The following CAST variants were observed in gnomAD, a reference collection of about 807,000 sequenced individuals.
CAST encodes the protein calpastatin.
Under a neutral mutation model 119.6 loss-of-function variants are expected in CAST, and 76 were observed. The observed-to-expected ratio is 0.64, with a 90% CI of 0.53 to 0.77. The LOEUF (loss-of-function observed/expected upper bound fraction) is 0.77. CAST is among the 30% of genes least tolerant of loss of function. The pLI is 0.00. For missense variants in CAST, 953 were observed against 946.5 expected, an observed-to-expected ratio of 1.01 and a Z score of -0.09; for synonymous variants, 319 against 331.6, an observed-to-expected ratio of 0.96 and a Z score of 0.41.
At chr5:96,621,451 A>G (rs777256845) in intron 1 of CAST, among the ~76,000 whole-genome samples, 99 of 152,342 alleles carry the variant, frequency 6.5e-4, no homozygotes, top group Non-Finnish European at 1.2e-3. Context: ...TCTGCATGGC[A>G]GAGGAGGCCT....
intron 1 of CAST, among the ~76,000 whole-genome samples, chr5:96,638,160 C>T (rs1408258168): frequency 6.6e-6 from 1 of 151,996 alleles, no homozygotes; most frequent in African/African-American, 2.4e-5. Flanking sequence ...AATCCCAGCA[C>T]TTTGGGAGGC....
At chr5:96,516,957 C>T in the CAST span, among the ~76,000 whole-genome samples, 7 of 152,108 alleles carry the variant, frequency 4.6e-5, no homozygotes, top group African/African-American at 2.4e-5. Context: ...AGGTATCAGC[C>T]GACTGTTTCC....
At chr5:96,059,561 G>C in the CAST span, among the ~76,000 whole-genome samples, 1 of 152,118 alleles carries the variant, frequency 6.6e-6, no homozygotes, top group Non-Finnish European at 1.5e-5. Context: ...AAATGACCTT[G>C]ATACCTTAAG....
At chr5:96,430,263 A>G in the CAST span, among the ~76,000 whole-genome samples, 1 of 152,116 alleles carries the variant, frequency 6.6e-6, no homozygotes, top group East Asian at 1.9e-4. Context: ...GTCTCCCTTT[A>G]CTCAGTACTA....
chr5:96,729,458 C>A lies in CAST; in HGVS notation c.436-154C>A, dbSNP rs76141026. The A allele has an allele frequency of 2.9e-3, 1,795 of 618,050 alleles. 23 individuals are homozygous for A. Among genetic ancestry groups the A allele is most frequent in the African/African-American group, 0.029 (1,545 of 53,970 alleles). The allele number at this position is 618,050 out of a possible 1,614,324, so 38.3% of individuals were successfully genotyped here. A position where few individuals can be genotyped will look rare whatever the true frequency, so the allele number is the denominator to read the frequency against. On this transcript the variant is annotated intron_variant, in intron 7 of 31. Coordinates refer to ENST00000675179, the MANE Select transcript of CAST (RefSeq NM_001750.7). The stretch of plus-strand genomic sequence containing the variant: ...GTGAAATTGTCACATGTACATCACA[C>A]TAATTGAAATTTACATAATTTAGAA...
At chr5:96,534,777 G>GA (rs1427212130) in intron 1 of CAST, among the ~76,000 whole-genome samples, 6 of 115,902 alleles carry the variant, frequency 5.2e-5, no homozygotes, top group Admixed American at 2.8e-4. Context: ...AAGAAAGAAA[G>GA]AAAGAAAGAA....
chr5:96,468,305 G>A, the CAST span, among the ~76,000 whole-genome samples: 6 of 151,948 alleles, frequency 3.9e-5, no homozygotes, highest in African/African-American at 7.2e-5. Context: ...TGACAGGTGC[G>A]CTAAAATCTC....
the CAST span, among the ~76,000 whole-genome samples, chr5:96,461,096 C>G: frequency 2.0e-5 from 3 of 152,258 alleles, no homozygotes; most frequent in East Asian, 5.8e-4. Flanking sequence ...ATACTCCACA[C>G]AAATGGAATC....
Position 96,628,574 on chromosome 5 carries a change from C to A in CAST, c.61-46965C>A, listed in dbSNP as rs1298906112. ...AAAAGTATCTGGGCTTAGAGCCAGC[C>A]AGACAGATCTGCCCCAAGCTTGTCT... On this transcript the variant is annotated intron_variant, in intron 1 of 11. Coordinates refer to the CAST transcript ENST00000505143. 4.6e-5 allele frequency among the ~76,000 whole-genome samples: 7 copies of A among 152,284 alleles called. No individual in the cohort carries two copies. The East Asian group carries it at 1.2e-3, about 25-fold the overall frequency.
chr5:96,491,507 A>G, the CAST span, among the ~76,000 whole-genome samples: 1 of 101,934 alleles, frequency 9.8e-6, no homozygotes, highest in East Asian at 2.4e-4. Context: ...AAAAAAAAAA[A>G]AAAAAAAAAA....
the CAST span, among the ~76,000 whole-genome samples, chr5:96,053,508 A>C: frequency 1.3e-5 from 2 of 152,224 alleles, no homozygotes; most frequent in Non-Finnish European, 2.9e-5. Context: ...TGCAAGATGA[A>C]TAGAAAGACT....
the CAST span, among the ~76,000 whole-genome samples, chr5:96,127,726 T>C: frequency 3.3e-5 from 5 of 152,122 alleles, no homozygotes; most frequent in Admixed American, 3.3e-4. Flanking sequence ...TTAAAAGCTT[T>C]TTTGGCATCA....
chr5:96,091,740 G>A, the CAST span, among the ~76,000 whole-genome samples: 2 of 151,918 alleles, frequency 1.3e-5, no homozygotes, highest in African/African-American at 2.4e-5. Flanking sequence ...TCCTGGACTC[G>A]TGATCCTCCT....
chr5:96,216,017 A>G, the CAST span, among the ~76,000 whole-genome samples: 537 of 152,264 alleles, frequency 3.5e-3, 2 homozygotes, highest in African/African-American at 0.012. Flanking sequence ...CATGTTGGCC[A>G]GGCTGGTCTC....
At chr5:96,245,924 C>T in the CAST span, among the ~76,000 whole-genome samples, 1 of 152,064 alleles carries the variant, frequency 6.6e-6, no homozygotes, top group Non-Finnish European at 1.5e-5. Context: ...GTGTTCACAG[C>T]GCAGGACCCG....
chr5:96,069,626 G>T, the CAST span, among the ~76,000 whole-genome samples: 1 of 149,724 alleles, frequency 6.7e-6, no homozygotes, highest in Admixed American at 6.7e-5. Flanking sequence ...AGCCCTACAG[G>T]TGTGTGCCAC....
At chr5:96,672,655 C>T (rs754453000) in intron 1 of CAST, among the ~76,000 whole-genome samples, 6 of 130,024 alleles carry the variant, frequency 4.6e-5, no homozygotes, top group Non-Finnish European at 7.6e-5. Flanking sequence ...TGCAGTGGGC[C>T]AAGATCGCAC....
chr5:96,034,935 G>T, the CAST span, among the ~76,000 whole-genome samples: 1 of 150,730 alleles, frequency 6.6e-6, no homozygotes, highest in African/African-American at 2.4e-5. Context: ...TGTCACAAAT[G>T]ATAGAGCTTC....
At chr5:96,238,332 TTCTTCTTCTTCTTCA>T in the CAST span, among the ~76,000 whole-genome samples, 7 of 42,984 alleles carry the variant, frequency 1.6e-4, no homozygotes, top group African/African-American at 4.4e-4. Flanking sequence ...CTTCTTCTTC[TTCTTCTTCTTCTTCA>T]TCTTCATCTT....
Sources: gnomAD v4.1 joint callset for allele counts (sites outside exome capture counted in the v4.1 genomes callset) on GRCh38, gnomAD v4.1.1 for gene constraint, MANE v1.5 for transcripts, NCBI Gene and HGNC (gene_info 2026-07-23, HGNC 2026-07-21) for gene names.